Variants in CNTD1 observed in about 807,000 individuals in gnomAD.
CNTD1 encodes the protein cyclin N-terminal domain containing 1, also known as cyclin N-terminal domain-containing protein 1.
In CNTD1, 17 loss-of-function variants were observed where a neutral mutation model predicts 36.3. The ratio of observed to expected loss-of-function variants is 0.47; its 90% CI spans 0.32 to 0.70. The LOEUF (loss-of-function observed/expected upper bound fraction) is 0.70, where lower values mean the gene tolerates loss of function less well. Among genes scored for constraint, CNTD1 ranks in the 30% least tolerant of loss-of-function variants. The probability of loss-of-function intolerance (pLI) is 0.03; values close to 1 mark genes in which losing one functional copy is unlikely to be tolerated. For missense variants in CNTD1, 338 were observed against 386.1 expected, an observed-to-expected ratio of 0.88 and a Z score of 1.04; for synonymous variants, 128 against 153.3, an observed-to-expected ratio of 0.83 and a Z score of 1.22.
At chr17:42,806,610 C>T in intron 4 of CNTD1, 64 bp from the exon 5 acceptor site, 1 of 1,531,018 alleles carries the variant, frequency 6.5e-7, no homozygotes, top group Non-Finnish European at 9.0e-7. Context: ...TATGTCACAA[C>T]TGTGGTTATG....
chr17:42,798,969 A>G lies in CNTD1; in HGVS notation c.-99A>G. ...GCGACGACACACTCATTGGAAGGGG[A>G]CGAGGAATCCAGGGTGTGGCAGAAG... On this transcript the variant is annotated 5_prime_UTR_variant, in exon 1 of 7. Coordinates refer to ENST00000588408, the MANE Select transcript of CNTD1 (RefSeq NM_173478.3). 4 of 1,503,528 alleles carry G rather than the reference A, an allele frequency of 2.7e-6. No individual in the cohort carries two copies. Among genetic ancestry groups the G allele is most frequent in the Non-Finnish European group, 3.5e-6 (4 of 1,126,992 alleles). The allele number at this position is 1,503,528 out of a possible 1,614,324, so 93.1% of individuals were successfully genotyped here.
intron 1 of CNTD1, among the ~76,000 whole-genome samples, chr17:42,799,916 A>T (rs988852712): frequency 8.6e-5 from 13 of 150,772 alleles, no homozygotes; most frequent in African/African-American, 1.7e-4. Context: ...ATACAAAAAA[A>T]AGCCGGGTGT....
At chr17:42,808,728 T>C (rs910481837) in intron 6 of CNTD1, among the ~76,000 whole-genome samples, 2 of 143,532 alleles carry the variant, frequency 1.4e-5, no homozygotes, top group Non-Finnish European at 3.0e-5. Flanking sequence ...AGTGAAACCC[T>C]GTCTCAAACA....
At position 42,798,966 on chromosome 17, in the gene CNTD1, G is replaced by A; in HGVS notation, c.-102G>A. The A allele has an allele frequency of 1.3e-6, 2 of 1,501,014 alleles. No homozygotes were observed. Among genetic ancestry groups the A allele is most frequent in the Non-Finnish European group, 1.8e-6 (2 of 1,125,706 alleles). 93.0% of individuals were successfully genotyped at this position (1,501,014 alleles called of 1,614,324 possible). On this transcript the variant is annotated 5_prime_UTR_variant, in exon 1 of 7. Transcript: ENST00000588408. ...GAGGCGACGACACACTCATTGGAAG[G>A]GGACGAGGAATCCAGGGTGTGGCAG... is the stretch of plus-strand genomic sequence containing the variant.
In CNTD1 at chr17:42,805,760, T is replaced by A; in HGVS notation, c.456T>A (p.Ala152=). 3 of 1,613,442 alleles carry A rather than the reference T, an allele frequency of 1.9e-6. No individual in the cohort carries two copies. The highest frequency in any genetic ancestry group is 2.5e-6 in the Non-Finnish European group (3 of 1,179,728). Residue 152 remains alanine (A), a synonymous_variant, in exon 4 of 7, where the codon GCT becomes GCA. Coordinates refer to ENST00000588408, the MANE Select transcript of CNTD1 (RefSeq NM_173478.3). ...TTACAGTCTTGAATTTCCTCCAGGC[T>A]CTAGGCTATCTACACACTAAAGAAG... is the stretch of plus-strand genomic sequence containing the variant. ...SNITVLNFLQ[A]LGYLHTKEEL... is the part of the protein sequence containing the mutation.
In CNTD1 at chr17:42,810,812, G is replaced by A. The variant is rs2054982118; in HGVS notation, c.*1277G>A. 1.9e-6 allele frequency: 3 copies of A among 1,613,338 alleles called. No individual in the cohort carries two copies. Among genetic ancestry groups the A allele is most frequent in the Non-Finnish European group, 2.5e-6 (3 of 1,179,658 alleles). On this transcript the variant is annotated 3_prime_UTR_variant, in exon 7 of 7. Transcript: ENST00000588408. ...CCAAGCAAGACCCCACTTAAGATTC[G>A]TCAGCATGAACTTGAGAGCTTTTGT...
At position 42,808,656 on chromosome 17, in the gene CNTD1, C is replaced by T. The variant is rs752503868; in HGVS notation, c.823-709C>T. Among the ~76,000 whole-genome samples, 7 of 152,068 alleles carry T rather than the reference C, an allele frequency of 4.6e-5. No individual in the cohort carries two copies. The South Asian group carries it at 1.0e-3, about 23-fold the overall frequency. ...GGCTGAGATGGGAGGATCACTTGAG[C>T]CCAGGAGTTGGAGGCTGCAGTGAGC... On this transcript the variant is annotated intron_variant, in intron 6 of 6. Coordinates refer to ENST00000588408, the MANE Select transcript of CNTD1 (RefSeq NM_173478.3).
chr17:42,809,460 T>G lies in CNTD1; in HGVS notation c.918T>G (p.Thr306=). 6.2e-7 allele frequency: 1 copy of G among 1,614,138 alleles called. No homozygotes were observed. The highest frequency in any genetic ancestry group is 1.3e-5 in the African/African-American group (1 of 75,022). Residue 306 remains threonine, a synonymous_variant, in exon 7 of 7, where the codon ACT becomes ACG. Coordinates refer to ENST00000588408, the MANE Select transcript of CNTD1 (RefSeq NM_173478.3). Reference sequence around the variant, plus strand: ...TGACTCACGGAGTGGGAGCCAACACTCCGGGGAGACAGCAGTCTATTCCTC... The same window carrying G: ...TGACTCACGGAGTGGGAGCCAACACGCCGGGGAGACAGCAGTCTATTCCTC... ...AILTHGVGAN[T]PGRQQSIPPH... is the part of the protein sequence containing the mutation.
At chr17:42,799,331 A>T (rs745864929) in intron 1 of CNTD1, 95 bp downstream of exon 1, 1 of 1,375,468 alleles carries the variant, frequency 7.3e-7, no homozygotes, top group Non-Finnish European at 9.7e-7. Flanking sequence ...TTATTCATTC[A>T]GAGAATGTTT....
rs61113573 is a variant in CNTD1, at chr17:42,799,314, G to A, written c.169+78G>A. 9.1e-3 allele frequency: 13,092 copies of A among 1,440,088 alleles called. 579 individuals carry two copies. The South Asian group carries it at 0.097, about 11-fold the overall frequency. 89.2% of individuals were successfully genotyped at this position (1,440,088 alleles called of 1,614,324 possible). A position where few individuals can be genotyped will look rare whatever the true frequency, so the allele number is the denominator to read the frequency against. On this transcript the variant is annotated intron_variant, in intron 1 of 6. Coordinates refer to ENST00000588408, the MANE Select transcript of CNTD1 (RefSeq NM_173478.3). ...TTTCAGGCACCGACCTTGAGATTCC[G>A]TTGATTTTATTCATTCAGAGAATGT...
intron 1 of CNTD1, among the ~76,000 whole-genome samples, chr17:42,801,552 A>ATGTGTG (rs144472008): frequency 2.9e-4 from 23 of 80,106 alleles, no homozygotes; most frequent in Middle Eastern, 6.8e-3. Context: ...TATATAATAT[A>ATGTGTG]TGTGTGTGTG....
At chr17:42,801,198 A>AC (rs568257276) in intron 1 of CNTD1, among the ~76,000 whole-genome samples, 2,328 of 149,168 alleles carry the variant, frequency 0.016, 85 homozygotes, top group South Asian at 0.1. Flanking sequence ...AAAAAAAAAA[A>AC]AACAACAACA....
intron 1 of CNTD1, among the ~76,000 whole-genome samples, chr17:42,801,546 TA>T (rs1862217867): frequency 6.4e-4 from 27 of 41,862 alleles, no homozygotes; most frequent in Admixed American, 2.3e-3. Flanking sequence ...TATATATATA[TA>T]ATATATGTGT....
At position 42,805,951 on chromosome 17, in the gene CNTD1, G is replaced by T. The variant is rs114852389; in HGVS notation, c.580+67G>T. ...AGAAGGCAATACAAAATGTGCATGG[G>T]GGGGCATGGCTCATGCCTGTAATCC... On this transcript the variant is annotated intron_variant, in intron 4 of 6. Transcript: ENST00000588408. 258 of 1,456,032 alleles carry T rather than the reference G, an allele frequency of 1.8e-4. 2 individuals carry two copies. In the African/African-American group the frequency reaches 2.1e-3, roughly 12 times the overall value. 90.2% of individuals were successfully genotyped at this position (1,456,032 alleles called of 1,614,324 possible). A position where few individuals can be genotyped will look rare whatever the true frequency, so the allele number is the denominator to read the frequency against.
Position 42,806,739 on chromosome 17 carries a change from G to A in CNTD1, c.646G>A (p.Val216Ile). ...AACCTGCCTGACACTGCTCGACCTG[G>A]TCTATCTTCTGCATGAACCCATATA... ...HATCLTLLDL[V>I]YLLHEPIYES... The change falls in exon 5 of 7, where the codon GTC becomes ATC. Residue 216 changes from valine to isoleucine, a missense_variant. By Grantham distance (29) the Val-to-Ile change is conservative. Coordinates refer to ENST00000588408, the MANE Select transcript of CNTD1 (RefSeq NM_173478.3). 1 of 1,614,092 alleles carries A rather than the reference G, an allele frequency of 6.2e-7. No homozygotes were observed. The highest frequency in any genetic ancestry group is 8.5e-7 in the Non-Finnish European group (1 of 1,180,000).
At chr17:42,802,524 T>C (rs1034693236) in intron 1 of CNTD1, among the ~76,000 whole-genome samples, 1 of 152,198 alleles carries the variant, frequency 6.6e-6, no homozygotes, top group Non-Finnish European at 1.5e-5. Context: ...AAATGACTAA[T>C]AAGAGACACA....
chr17:42,803,746 T>C (rs755381661), intron 2 of CNTD1, 51 bp downstream of exon 2: 1 of 1,390,006 alleles, frequency 7.2e-7, no homozygotes, highest in South Asian at 1.2e-5. Flanking sequence ...GAGTGGCTAA[T>C]GTACCTACAT....
chr17:42,810,836 G>A lies in CNTD1; in HGVS notation c.*1301G>A. ...CGTCAGCATGAACTTGAGAGCTTTT[G>A]TCCACTGCTCCTCAGAGTTAAACTG... On this transcript the variant is annotated 3_prime_UTR_variant, in exon 7 of 7. Coordinates refer to ENST00000588408, the MANE Select transcript of CNTD1 (RefSeq NM_173478.3). 6.2e-7 allele frequency: 1 copy of A among 1,613,610 alleles called. No individual in the cohort carries two copies. Among genetic ancestry groups the A allele is most frequent in the Non-Finnish European group, 8.5e-7 (1 of 1,179,798 alleles).
At chr17:42,801,510 A>AAAATAT (rs1289580717) in intron 1 of CNTD1, among the ~76,000 whole-genome samples, 104 of 54,338 alleles carry the variant, frequency 1.9e-3, no homozygotes, top group Non-Finnish European at 2.3e-3. Context: ...AAAAAAAAAA[A>AAAATAT]ATATATATAT....
Sources: gnomAD v4.1 joint callset for allele counts (sites outside exome capture counted in the v4.1 genomes callset) on GRCh38, gnomAD v4.1.1 for gene constraint, MANE v1.5 for transcripts, NCBI Gene and HGNC (gene_info 2026-07-23, HGNC 2026-07-21) for gene names.